LGSN: variants seen among roughly 807,000 people sequenced by gnomAD.
LGSN encodes the protein lengsin.
A neutral mutation model predicts 19.5 loss-of-function variants in LGSN; 21 were observed. That is an observed-to-expected ratio of 1.07 (90% CI 0.76 to 1.55). The LOEUF (loss-of-function observed/expected upper bound fraction) is 1.55. Ranked by LOEUF, LGSN falls within the 40% of genes most tolerant of loss-of-function variation. The pLI, the probability that LGSN is intolerant of heterozygous loss-of-function variation, is 0.00. For missense variants in LGSN, 673 were observed against 608.5 expected (o/e 1.11, Z -1.12); for synonymous variants, 257 against 215.6 (o/e 1.19, Z -1.68).
intron 3 of LGSN, among the ~76,000 whole-genome samples, chr6:63,282,739 T>C (rs1375564886): frequency 6.6e-6 from 1 of 152,102 alleles, no homozygotes; most frequent in East Asian, 1.9e-4. Context: ...CCAAACACCA[T>C]TTGGTGTCTG....
At chr6:63,435,228 T>C in the LGSN span, among the ~76,000 whole-genome samples, 1 of 152,066 alleles carries the variant, frequency 6.6e-6, no homozygotes, top group Admixed American at 6.6e-5. Context: ...CAAAATGAGA[T>C]TTATAGAGAA....
At chr6:63,540,238 C>A in the LGSN span, among the ~76,000 whole-genome samples, 2 of 152,100 alleles carry the variant, frequency 1.3e-5, no homozygotes, top group Non-Finnish European at 2.9e-5. Context: ...CACCCAGCCA[C>A]TAGAAAAGGC....
the LGSN span, among the ~76,000 whole-genome samples, chr6:63,348,757 T>TC: frequency 1.3e-5 from 2 of 151,172 alleles, no homozygotes; most frequent in South Asian, 4.2e-4. Context: ...TTTTTTTTTT[T>TC]TTTGCTTTTT....
the LGSN span, among the ~76,000 whole-genome samples, chr6:63,443,143 C>A: frequency 6.6e-6 from 1 of 152,224 alleles, no homozygotes; most frequent in Non-Finnish European, 1.5e-5. Context: ...GACAAGCCAG[C>A]AGTGCTGGGG....
At chr6:63,364,953 T>G in the LGSN span, among the ~76,000 whole-genome samples, 29 of 152,278 alleles carry the variant, frequency 1.9e-4, no homozygotes, top group African/African-American at 6.0e-4. Flanking sequence ...GAGGGAAATT[T>G]ATAGCACTAA....
At chr6:63,532,411 C>T in the LGSN span, among the ~76,000 whole-genome samples, 1 of 152,142 alleles carries the variant, frequency 6.6e-6, no homozygotes, top group Admixed American at 6.5e-5. Flanking sequence ...ACTACCAGTA[C>T]CAGCCACAGG....
At chr6:63,569,567 C>G in the LGSN span, among the ~76,000 whole-genome samples, 4 of 152,222 alleles carry the variant, frequency 2.6e-5, no homozygotes, top group Non-Finnish European at 4.4e-5. Flanking sequence ...CCACCATGCT[C>G]AACTTCCTTA....
intron 1 of LGSN, among the ~76,000 whole-genome samples, chr6:63,302,315 A>T (rs1215437723): frequency 6.6e-6 from 1 of 152,172 alleles, no homozygotes; most frequent in Non-Finnish European, 1.5e-5. Flanking sequence ...AACCATAACC[A>T]TTTTAAGTCT....
chr6:63,412,534 G>GA, the LGSN span, among the ~76,000 whole-genome samples: 2 of 87,848 alleles, frequency 2.3e-5, no homozygotes, highest in African/African-American at 1.2e-4. Context: ...AAGAAGGAAA[G>GA]AAAGAAAGAA....
At chr6:63,299,144 A>C (rs1768093038) in intron 1 of LGSN, among the ~76,000 whole-genome samples, 1 of 152,202 alleles carries the variant, frequency 6.6e-6, no homozygotes, top group African/African-American at 2.4e-5. Context: ...GCTAAAAAAT[A>C]GTGGCTAACT....
chr6:63,517,910 T>G, the LGSN span, among the ~76,000 whole-genome samples: 1 of 152,056 alleles, frequency 6.6e-6, no homozygotes, highest in East Asian at 1.9e-4. Context: ...TCCCAACACT[T>G]TGGGAGTCCA....
chr6:63,373,955 G>T, the LGSN span, among the ~76,000 whole-genome samples: 1 of 152,074 alleles, frequency 6.6e-6, no homozygotes, highest in Non-Finnish European at 1.5e-5. Flanking sequence ...GGCCAGGGTG[G>T]GGTGGCGGGG....
the LGSN span, among the ~76,000 whole-genome samples, chr6:63,523,236 G>A: frequency 2.6e-5 from 4 of 151,944 alleles, no homozygotes; most frequent in Non-Finnish European, 5.9e-5. Flanking sequence ...TAAGTGTCTA[G>A]GATGTTTATT....
intron 1 of LGSN, among the ~76,000 whole-genome samples, chr6:63,315,618 CTGTGTGTG>C (rs10601946): frequency 1.3e-3 from 183 of 138,154 alleles, no homozygotes; most frequent in African/African-American, 3.9e-3. Flanking sequence ...CTCTCTCTCT[CTGTGTGTG>C]TGTGTGTGTG....
chr6:63,352,773 T>C, the LGSN span, among the ~76,000 whole-genome samples: 1 of 152,110 alleles, frequency 6.6e-6, no homozygotes, highest in Non-Finnish European at 1.5e-5. Context: ...AGGGATAGAA[T>C]TTTGTTCCCC....
chr6:63,527,609 C>T, the LGSN span, among the ~76,000 whole-genome samples: 3 of 152,150 alleles, frequency 2.0e-5, no homozygotes, highest in Admixed American at 6.5e-5. Context: ...ATTTAAGTTT[C>T]GGTGACAACT....
chr6:63,491,859 C>T, the LGSN span, among the ~76,000 whole-genome samples: 3 of 152,106 alleles, frequency 2.0e-5, no homozygotes, highest in South Asian at 2.1e-4. Context: ...GAAACCCCGT[C>T]TCTACTAAAA....
the LGSN span, among the ~76,000 whole-genome samples, chr6:63,332,282 G>C: frequency 6.6e-6 from 1 of 152,182 alleles, no homozygotes; most frequent in African/African-American, 2.4e-5. Flanking sequence ...ACTAGAGACA[G>C]GTAGCAATTT....
At chr6:63,559,531 G>C in the LGSN span, among the ~76,000 whole-genome samples, 1 of 152,112 alleles carries the variant, frequency 6.6e-6, no homozygotes, top group Admixed American at 6.5e-5. Flanking sequence ...CGGATCATGA[G>C]GTCAGGAGAT....
Sources: allele counts gnomAD v4.1 joint callset (sites outside exome capture counted in the v4.1 genomes callset), GRCh38; gene constraint gnomAD v4.1.1; transcripts MANE v1.5; gene names NCBI Gene and HGNC (gene_info 2026-07-23, HGNC 2026-07-21).